Variants in SV2C observed in about 807,000 individuals in gnomAD.
SV2C encodes synaptic vesicle glycoprotein 2C.
A neutral mutation model predicts 79.7 loss-of-function variants in SV2C; 49 were observed. The observed-to-expected ratio is 0.61, with a 90% CI of 0.49 to 0.78. The LOEUF (loss-of-function observed/expected upper bound fraction) is 0.78, where lower values mean the gene tolerates loss of function less well. SV2C is among the 30% of genes least tolerant of loss of function. SV2C has a pLI of 0.00. For synonymous variants in SV2C, 334 were observed against 333.2 expected (o/e 1.00, Z -0.03); for missense variants, 833 against 912.9 (o/e 0.91, Z 1.13).
chr5:76,048,568 C>G, the SV2C span, among the ~76,000 whole-genome samples: 1 of 152,076 alleles, frequency 6.6e-6, no homozygotes, highest in Non-Finnish European at 1.5e-5. Context: ...TTATCACAAG[C>G]CTTTAAAAAG....
chr5:75,889,846 C>T, the SV2C span, among the ~76,000 whole-genome samples: 1 of 151,946 alleles, frequency 6.6e-6, no homozygotes. Flanking sequence ...TCCAAGGTGC[C>T]CACTCTAGAG....
chr5:76,145,228 G>GT (rs1204267527), intron 2 of SV2C, among the ~76,000 whole-genome samples: 3 of 152,208 alleles, frequency 2.0e-5, no homozygotes, highest in Non-Finnish European at 4.4e-5. Flanking sequence ...GGTTAGGGAG[G>GT]TAAGATGTTA....
chr5:75,883,989 C>T, the SV2C span, among the ~76,000 whole-genome samples: 18,930 of 151,902 alleles, frequency 0.12, 1,382 homozygotes, highest in African/African-American at 0.22. Flanking sequence ...ATTAGTCTGA[C>T]AATTGAAGGT....
intron 2 of SV2C, chr5:76,174,254 C>T (rs934402257): frequency 2.2e-5 from 33 of 1,491,718 alleles, no homozygotes; most frequent in Middle Eastern, 1.8e-4. Flanking sequence ...CAGCCAGCGT[C>T]GCCCCGTGCT....
Position 76,329,243 on chromosome 5 carries a change from C to T in SV2C, c.*3696C>T. The T allele has an allele frequency of 6.6e-6, 1 of 152,340 alleles. No individual in the cohort carries two copies. The allele number at this position is 152,340 out of a possible 1,614,324, so 9.4% of individuals were successfully genotyped here. ...CAGCATCCTGACTAGTATCTCTGTT[C>T]ACTGCAGGTTTGACAGTTACCATCA... On this transcript the variant is annotated 3_prime_UTR_variant, in exon 13 of 13. Transcript: ENST00000502798.
chr5:76,285,671 AT>A, intron 5 of SV2C, 109 bp from the exon 6 acceptor site: 1 of 851,064 alleles, frequency 1.2e-6, no homozygotes, highest in African/African-American at 1.7e-5. Context: ...ACTGAGATAC[AT>A]TTGCACAATT....
At chr5:75,862,296 G>T in the SV2C span, among the ~76,000 whole-genome samples, 3,721 of 152,232 alleles carry the variant, frequency 0.024, 159 homozygotes, top group African/African-American at 0.085. Context: ...CTGTCTTGCT[G>T]GTGGGAAGAA....
At chr5:76,127,255 T>C (rs79215728) in intron 1 of SV2C, among the ~76,000 whole-genome samples, 6,722 of 152,088 alleles carry the variant, frequency 0.044, 430 homozygotes, top group African/African-American at 0.14. Flanking sequence ...GGGTGGGAGC[T>C]TGTGTAGGAA....
chr5:76,251,849 A>C (rs1355246853), intron 4 of SV2C, among the ~76,000 whole-genome samples: 1 of 152,194 alleles, frequency 6.6e-6, no homozygotes, highest in African/African-American at 2.4e-5. Context: ...ATGACCACTT[A>C]ATCATTAATT....
the SV2C span, among the ~76,000 whole-genome samples, chr5:76,035,180 G>C: frequency 2.0e-5 from 3 of 148,230 alleles, no homozygotes; most frequent in Admixed American, 1.3e-4. Context: ...CAATTTTGTT[G>C]ATCCTTTCAA....
At chr5:75,883,959 C>T in the SV2C span, among the ~76,000 whole-genome samples, 18,941 of 151,938 alleles carry the variant, frequency 0.12, 1,387 homozygotes, top group African/African-American at 0.22. Context: ...TTTAATGGAA[C>T]TTTCACAATG....
the SV2C span, among the ~76,000 whole-genome samples, chr5:76,032,481 AGT>A: frequency 2.0e-5 from 3 of 151,964 alleles, no homozygotes; most frequent in East Asian, 5.8e-4. Flanking sequence ...CCCACCTATG[AGT>A]GAGAATATGC....
the SV2C span, among the ~76,000 whole-genome samples, chr5:75,972,418 A>T: frequency 6.6e-6 from 1 of 152,112 alleles, no homozygotes; most frequent in African/African-American, 2.4e-5. Flanking sequence ...ACATTTTTGC[A>T]ACCTACTCAT....
At chr5:76,016,254 T>TAAAAAAAAAAAAAAAAAAAAAAAAAAAA in the SV2C span, among the ~76,000 whole-genome samples, 6 of 90,358 alleles carry the variant, frequency 6.6e-5, no homozygotes, top group African/African-American at 1.0e-4. Flanking sequence ...TTTAATTTTC[T>TAAAAAAAAAAAAAAAAAAAAAAAAAAAA]AAAAAAAAAA....
chr5:75,906,353 AC>A, the SV2C span, among the ~76,000 whole-genome samples: 1 of 152,068 alleles, frequency 6.6e-6, no homozygotes, highest in Admixed American at 6.5e-5. Flanking sequence ...TTTGTGTCCC[AC>A]ACTGTGCTAA....
chr5:76,325,149 T>A (rs1326616826), intron 12 of SV2C, among the ~76,000 whole-genome samples: 1 of 152,204 alleles, frequency 6.6e-6, no homozygotes, highest in Admixed American at 6.5e-5. Context: ...TAAGAGTCAA[T>A]GGAAGCTATG....
At chr5:76,012,768 A>G in the SV2C span, among the ~76,000 whole-genome samples, 1 of 152,020 alleles carries the variant, frequency 6.6e-6, no homozygotes, top group Non-Finnish European at 1.5e-5. Flanking sequence ...ATCCATCTTG[A>G]GTTAATTTTT....
intron 2 of SV2C, among the ~76,000 whole-genome samples, chr5:76,166,585 C>A (rs1401237740): frequency 6.6e-6 from 1 of 152,174 alleles, no homozygotes; most frequent in Non-Finnish European, 1.5e-5. Flanking sequence ...GGTGAGCAGT[C>A]CCACAAATAT....
chr5:75,999,828 G>C, the SV2C span, among the ~76,000 whole-genome samples: 70,585 of 151,812 alleles, frequency 0.46, 17,222 homozygotes, highest in Middle Eastern at 0.63. Flanking sequence ...CTCTCTGCTT[G>C]TAAGATGGTG....
Sources: allele counts gnomAD v4.1 joint callset (sites outside exome capture counted in the v4.1 genomes callset), GRCh38; gene constraint gnomAD v4.1.1; transcripts MANE v1.5; gene names NCBI Gene and HGNC (gene_info 2026-07-23, HGNC 2026-07-21).